SHTN1: variants seen among roughly 807,000 people sequenced by gnomAD.
SHTN1 encodes the protein shootin-1.
A neutral mutation model predicts 83.1 loss-of-function variants in SHTN1; 42 were observed. The observed-to-expected ratio is 0.51, with a 90% CI of 0.39 to 0.65. SHTN1 has a LOEUF of 0.65. Ranked by LOEUF, SHTN1 falls within the 30% of genes least tolerant of loss-of-function variation. The pLI is 0.00. For missense variants in SHTN1, 622 were observed against 737.8 expected, an observed-to-expected ratio of 0.84 and a Z score of 1.82; for synonymous variants, 224 against 247.7, an observed-to-expected ratio of 0.90 and a Z score of 0.90.
intron 1 of SHTN1, among the ~76,000 whole-genome samples, chr10:117,093,566 T>C (rs961615432): frequency 6.6e-6 from 1 of 152,086 alleles, no homozygotes; most frequent in South Asian, 2.1e-4. Flanking sequence ...AAAAAAGTCA[T>C]GTCAAAAGTC....
intron 12 of SHTN1, among the ~76,000 whole-genome samples, chr10:116,917,714 C>T (rs960258670): frequency 1.3e-5 from 2 of 152,186 alleles, no homozygotes; most frequent in Admixed American, 1.3e-4. Flanking sequence ...GCTACAGCAT[C>T]TAACATAGCA....
At chr10:116,904,041 C>T (rs1404833080) in intron 15 of SHTN1, among the ~76,000 whole-genome samples, 1 of 152,176 alleles carries the variant, frequency 6.6e-6, no homozygotes, top group African/African-American at 2.4e-5. Context: ...CATCCTTTGT[C>T]CCTGGGGCAG....
chr10:116,929,895 C>G lies in SHTN1; in HGVS notation c.966G>C (p.Leu322Phe), dbSNP rs535907593. 1 of 1,610,030 alleles carries G rather than the reference C, an allele frequency of 6.2e-7. No homozygotes were observed. Among genetic ancestry groups the G allele is most frequent in the Non-Finnish European group, 8.5e-7 (1 of 1,178,044 alleles). ...CTTTCTCTTCAGAATTCTGATATTTCAATTCCAATTCCTTTTTATCTTCCT... is the reference window on the plus strand; with the variant it reads ...CTTTCTCTTCAGAATTCTGATATTTGAATTCCAATTCCTTTTTATCTTCCT... ...LLEEDKKELE[L>F]KYQNSEEKAR... The change falls in exon 10 of 17, where the codon TTG becomes TTC. Residue 322 changes from leucine (L) to phenylalanine (F), a missense_variant. Physicochemically the swap from Leu to Phe is conservative, Grantham distance 22 (BLOSUM62 0). Coordinates refer to ENST00000355371, the MANE Select transcript of SHTN1 (RefSeq NM_001127211.3).
chr10:116,895,610 T>A (rs1195765093), intron 16 of SHTN1, among the ~76,000 whole-genome samples: 1 of 152,192 alleles, frequency 6.6e-6, no homozygotes, highest in East Asian at 1.9e-4. Context: ...GATGTGAGTA[T>A]CTTAGGGTCA....
chr10:117,101,736 T>G (rs1379787788), intron 1 of SHTN1, among the ~76,000 whole-genome samples: 1 of 152,176 alleles, frequency 6.6e-6, no homozygotes, highest in East Asian at 1.9e-4. Context: ...AAGAATAGCC[T>G]GTTCCCGAAC....
rs12360350 is a variant in SHTN1, at chr10:116,930,582, C to T, written c.859-580G>A. On this transcript the variant is annotated intron_variant, in intron 9 of 16. Transcript: ENST00000355371. ...ATCTCATTCCTTTTTATGGCTACACCGTATTCCATGGTGTAATATGTACCA... is the reference window on the plus strand; with the variant it reads ...ATCTCATTCCTTTTTATGGCTACACTGTATTCCATGGTGTAATATGTACCA... Among the ~76,000 whole-genome samples the T allele has an allele frequency of 7.5e-3, 1,139 of 152,234 alleles. 8 individuals are homozygous for T. Among genetic ancestry groups the T allele is most frequent in the Non-Finnish European group, 0.012 (850 of 68,020 alleles).
chr10:116,950,447 C>T (rs970705414), intron 6 of SHTN1, among the ~76,000 whole-genome samples: 14 of 152,190 alleles, frequency 9.2e-5, no homozygotes, highest in African/African-American at 3.1e-4. Flanking sequence ...GGATTACAGG[C>T]GTGAGCCACT....
intron 1 of SHTN1, among the ~76,000 whole-genome samples, chr10:117,105,083 A>C (rs1446126148): frequency 4.6e-5 from 7 of 152,066 alleles, no homozygotes; most frequent in Non-Finnish European, 1.0e-4. Flanking sequence ...TCCTCTGCCC[A>C]AAAAGCTGTC....
intron 14 of SHTN1, among the ~76,000 whole-genome samples, chr10:116,908,265 T>C (rs1304554030): frequency 1.3e-5 from 2 of 152,190 alleles, no homozygotes; most frequent in East Asian, 3.8e-4. Flanking sequence ...TCCTTAGAAG[T>C]ATCTCTTTTT....
intron 9 of SHTN1, 79 bp from the exon 10 acceptor site, chr10:116,930,081 A>G (rs1478366533): frequency 6.2e-6 from 6 of 966,428 alleles, no homozygotes; most frequent in Non-Finnish European, 9.1e-6. Flanking sequence ...GAAAAAATAA[A>G]TATTTCCCTT....
chr10:117,107,401 A>G (rs1185677498), intron 1 of SHTN1, among the ~76,000 whole-genome samples: 1 of 152,072 alleles, frequency 6.6e-6, no homozygotes, highest in Non-Finnish European at 1.5e-5. Context: ...TGAAGCCACA[A>G]AGCTTCACTC....
rs376037543 is a variant in SHTN1 at position 116,955,484 on chromosome 10, A to T, written c.268-1274T>A. 1.2e-4 allele frequency among the ~76,000 whole-genome samples: 18 copies of T among 152,302 alleles called. No homozygotes were observed. The East Asian group carries it at 1.7e-3, about 15-fold the overall frequency. On this transcript the variant is annotated intron_variant, in intron 4 of 16. Coordinates refer to ENST00000355371, the MANE Select transcript of SHTN1 (RefSeq NM_001127211.3). Reference sequence around the variant, plus strand: ...CTCTGAATTTAATAATTGATATTGGAAACAAATGAACATAGTTCATTGGAA... The same window carrying T: ...CTCTGAATTTAATAATTGATATTGGTAACAAATGAACATAGTTCATTGGAA...
intron 1 of SHTN1, among the ~76,000 whole-genome samples, chr10:117,111,321 T>A (rs1313536295): frequency 1.3e-5 from 2 of 151,230 alleles, no homozygotes; most frequent in South Asian, 2.1e-4. Context: ...TGAGATGGAG[T>A]CTCGTTCTGT....
chr10:117,097,630 T>C (rs554350808), intron 1 of SHTN1, among the ~76,000 whole-genome samples: 1 of 152,308 alleles, frequency 6.6e-6, no homozygotes, highest in Middle Eastern at 3.4e-3. Flanking sequence ...CAGAAAGATA[T>C]GAAGGTTATA....
chr10:116,886,310 G>T lies in SHTN1; in HGVS notation c.*34C>A. On this transcript the variant is annotated 3_prime_UTR_variant, in exon 17 of 17. Transcript: ENST00000355371. ...CACTAATCATGTGCTTATTGAAAAG[G>T]ACTTCCAAACATGTCAGGCTTCTGG... is the stretch of plus-strand genomic sequence containing the variant. 1 of 1,551,508 alleles carries T rather than the reference G, an allele frequency of 6.4e-7. No individual in the cohort carries two copies. The highest frequency in any genetic ancestry group is 8.7e-7 in the Non-Finnish European group (1 of 1,146,862).
chr10:117,085,891 T>G (rs1853342937), intron 1 of SHTN1, among the ~76,000 whole-genome samples: 1 of 151,708 alleles, frequency 6.6e-6, no homozygotes, highest in African/African-American at 2.4e-5. Flanking sequence ...CTGATAATTT[T>G]CCTTGATCTA....
intron 1 of SHTN1, among the ~76,000 whole-genome samples, chr10:117,060,001 A>C (rs1852877020): frequency 6.6e-6 from 1 of 152,168 alleles, no homozygotes; most frequent in Non-Finnish European, 1.5e-5. Context: ...TCTTGAGGCC[A>C]AGAGTTTGAG....
intron 1 of SHTN1, among the ~76,000 whole-genome samples, chr10:117,114,000 T>C (rs1437469789): frequency 6.6e-6 from 1 of 152,020 alleles, no homozygotes; most frequent in Non-Finnish European, 1.5e-5. Flanking sequence ...TGAGCTGAGA[T>C]TGCACCACTG....
Position 116,989,208 on chromosome 10 carries a change from G to A in SHTN1, c.59-9900C>T, listed in dbSNP as rs533252638. Among the ~76,000 whole-genome samples the A allele has an allele frequency of 4.6e-5, 7 of 152,224 alleles. No individual in the cohort carries two copies. In the East Asian group the frequency reaches 1.2e-3, roughly 25 times the overall value. On this transcript the variant is annotated intron_variant, in intron 1 of 16. Coordinates refer to ENST00000355371, the MANE Select transcript of SHTN1 (RefSeq NM_001127211.3). The stretch of plus-strand genomic sequence containing the variant: ...TTTACAGTAAAACTGCAAAGATACT[G>A]CAATATCTTACATTAGTATGGTGCA...
Sources: gnomAD v4.1 joint callset for allele counts (sites outside exome capture counted in the v4.1 genomes callset) on GRCh38, gnomAD v4.1.1 for gene constraint, MANE v1.5 for transcripts, NCBI Gene and HGNC (gene_info 2026-07-23, HGNC 2026-07-21) for gene names.